CCDC77: variants seen among roughly 807,000 people sequenced by gnomAD.
The protein encoded by CCDC77 is coiled-coil domain-containing protein 77.
In CCDC77, 56 loss-of-function variants were observed where a neutral mutation model predicts 66.8. The ratio of observed to expected loss-of-function variants is 0.84; its 90% CI spans 0.68 to 1.05. The LOEUF is 1.05. Among genes scored for constraint, CCDC77 ranks in the 50% least tolerant of loss-of-function variants. CCDC77 has a pLI of 0.00. For missense variants in CCDC77, 570 were observed against 576.8 expected, an observed-to-expected ratio of 0.99 and a Z score of 0.12; for synonymous variants, 196 against 195.2, an observed-to-expected ratio of 1.00 and a Z score of -0.03.
At chr12:412,766 T>C (rs1945137468) in intron 4 of CCDC77, among the ~76,000 whole-genome samples, 3 of 152,142 alleles carry the variant, frequency 2.0e-5, no homozygotes, top group South Asian at 2.1e-4. Flanking sequence ...TATACAGCAG[T>C]CTTCTCACCT....
In CCDC77 at chr12:440,877, A is replaced by G. The variant is rs770608811; in HGVS notation, c.1201A>G (p.Ile401Val). The change falls in exon 12 of 13, where the codon ATA becomes GTA. Residue 401 changes from isoleucine to valine, a missense_variant. Coordinates refer to ENST00000239830, the MANE Select transcript of CCDC77 (RefSeq NM_032358.4). ...RTNKMGKRLQ[I>V]MTKRYEALER... Reference sequence around the variant, plus strand: ...TAACAAGATGGGGAAGCGTTTACAGATAATGACAAAACGCTATGAGGCATT... The same window carrying G: ...TAACAAGATGGGGAAGCGTTTACAGGTAATGACAAAACGCTATGAGGCATT... 6.2e-7 allele frequency: 1 copy of G among 1,613,830 alleles called. No individual in the cohort carries two copies. The highest frequency in any genetic ancestry group is 1.7e-5 in the Admixed American group (1 of 60,028).
chr12:397,209 T>C (rs1309149252), upstream of CCDC77, among the ~76,000 whole-genome samples: 1 of 152,142 alleles, frequency 6.6e-6, no homozygotes, highest in Non-Finnish European at 1.5e-5. Flanking sequence ...ATAGAATGGA[T>C]TGGAGGCAAG....
intron 5 of CCDC77, among the ~76,000 whole-genome samples, chr12:423,070 A>G (rs1422624447): frequency 6.9e-6 from 1 of 144,666 alleles, no homozygotes; most frequent in African/African-American, 2.5e-5. Context: ...GTTTCTCCAC[A>G]TCCTTGACAA....
In CCDC77 at chr12:440,904, G is replaced by A; in HGVS notation, c.1228G>A (p.Glu410Lys). The change falls in exon 12 of 13, where the codon GAG (glutamate) becomes AAG (lysine). Residue 410 changes from glutamate (E) to lysine (K), a missense_variant. By Grantham distance (56) the Glu-to-Lys change is moderately conservative (BLOSUM62 1). Coordinates refer to ENST00000239830, the MANE Select transcript of CCDC77 (RefSeq NM_032358.4). ...AATGACAAAACGCTATGAGGCATTG[G>A]AGCGTCGACGTATCCTGGAAGTAGA... ...QIMTKRYEAL[E>K]RRRILEVEGF... is the part of the protein sequence containing the mutation. 6.2e-7 allele frequency: 1 copy of A among 1,613,798 alleles called. No homozygotes were observed. The highest frequency in any genetic ancestry group is 8.5e-7 in the Non-Finnish European group (1 of 1,180,006).
chr12:409,299 G>A, intron 2 of CCDC77, 69 bp from the exon 3 acceptor site: 1 of 1,084,290 alleles, frequency 9.2e-7, no homozygotes, highest in Non-Finnish European at 1.4e-6. Flanking sequence ...GAGGGAACCA[G>A]TCTAATCCTG....
At chr12:432,598 A>C (rs1945674003) in intron 8 of CCDC77, among the ~76,000 whole-genome samples, 1 of 152,204 alleles carries the variant, frequency 6.6e-6, no homozygotes, top group South Asian at 2.1e-4. Flanking sequence ...GGGTGTCTTA[A>C]AGGGAGACAG....
intron 4 of CCDC77, among the ~76,000 whole-genome samples, chr12:414,152 C>A (rs964296294): frequency 2.0e-5 from 3 of 150,428 alleles, no homozygotes; most frequent in Non-Finnish European, 4.4e-5. Context: ...AGTGCAATGG[C>A]ACAATCTCGG....
At chr12:416,375 G>GTATATATA (rs1489079419) in intron 4 of CCDC77, among the ~76,000 whole-genome samples, 4 of 20,592 alleles carry the variant, frequency 1.9e-4, no homozygotes, top group African/African-American at 4.0e-4. Flanking sequence ...GTGTGTGTGT[G>GTATATATA]TGTATATATA....
rs939652978 is a variant in CCDC77 at position 418,477 on chromosome 12, T to C, written c.271-17T>C. On this transcript the variant is annotated splice_polypyrimidine_tract_variant and intron_variant, in intron 4 of 12. Coordinates refer to ENST00000239830, the MANE Select transcript of CCDC77 (RefSeq NM_032358.4). Reference sequence around the variant, plus strand: ...AACCCAGTGTCTTTCAACTATCTTATTGTGGTTTTTTTGCAGCATAAACTT... The same window carrying C: ...AACCCAGTGTCTTTCAACTATCTTACTGTGGTTTTTTTGCAGCATAAACTT... The C allele has an allele frequency of 9.9e-6, 16 of 1,613,416 alleles. No homozygotes were observed. The highest frequency in any genetic ancestry group is 1.4e-5 in the Non-Finnish European group (16 of 1,179,378).
At chr12:434,859 G>T (rs1453502896) in intron 9 of CCDC77, among the ~76,000 whole-genome samples, 3 of 152,184 alleles carry the variant, frequency 2.0e-5, no homozygotes, top group African/African-American at 7.2e-5. Flanking sequence ...ATGCCATAAG[G>T]ACATCCTCAG....
At chr12:405,621 G>A (rs888180651) in intron 2 of CCDC77, 57 bp downstream of exon 2, 8 of 152,152 alleles carry the variant, frequency 5.3e-5, no homozygotes, top group East Asian at 1.9e-4. Context: ...GAAAGATGGC[G>A]TATTTGAAGG....
chr12:392,152 C>T (rs1193087485), intron 1 of CCDC77, among the ~76,000 whole-genome samples: 1 of 151,914 alleles, frequency 6.6e-6, no homozygotes, highest in African/African-American at 2.4e-5. Context: ...CTTAAACAAT[C>T]CTTGACAGTA....
chr12:426,115 G>A (rs762781106), intron 5 of CCDC77, among the ~76,000 whole-genome samples: 11 of 152,010 alleles, frequency 7.2e-5, no homozygotes, highest in Non-Finnish European at 1.2e-4. Context: ...CACCCGCCTC[G>A]GCCTCCCAAA....
chr12:403,662 C>T (rs1944938685), intron 1 of CCDC77, among the ~76,000 whole-genome samples: 1 of 152,104 alleles, frequency 6.6e-6, no homozygotes, highest in African/African-American at 2.4e-5. Flanking sequence ...CCAGCTAATT[C>T]TGTAATTTTT....
upstream of CCDC77, chr12:401,479 C>T (rs372448614): frequency 1.2e-4 from 19 of 152,384 alleles, no homozygotes; most frequent in African/African-American, 4.3e-4. Context: ...TCCCAGAGAC[C>T]TCTGCGCGGT....
At chr12:433,834 T>C (rs191278822) in intron 9 of CCDC77, among the ~76,000 whole-genome samples, 4 of 152,328 alleles carry the variant, frequency 2.6e-5, no homozygotes, top group African/African-American at 9.6e-5. Flanking sequence ...AGACATGTTA[T>C]CATTTTTGGC....
chr12:419,218 G>T (rs1945346895), intron 5 of CCDC77, among the ~76,000 whole-genome samples: 1 of 152,214 alleles, frequency 6.6e-6, no homozygotes, highest in South Asian at 2.1e-4. Flanking sequence ...CTAAGGATAG[G>T]GTGGTCTTTC....
intron 10 of CCDC77, among the ~76,000 whole-genome samples, chr12:439,603 AC>A (rs1945824159): frequency 2.0e-5 from 3 of 151,430 alleles, no homozygotes; most frequent in Admixed American, 2.0e-4. Context: ...GCACAGCGGA[AC>A]CCTGTCTCTA....
chr12:428,900 C>T, intron 6 of CCDC77, 35 bp downstream of exon 6: 1 of 1,366,966 alleles, frequency 7.3e-7, no homozygotes, highest in East Asian at 2.3e-5. Flanking sequence ...GTGAGTGTGG[C>T]TTTACAAGTC....
Sources: gnomAD v4.1 joint callset for allele counts (sites outside exome capture counted in the v4.1 genomes callset) on GRCh38, gnomAD v4.1.1 for gene constraint, MANE v1.5 for transcripts, NCBI Gene and HGNC (gene_info 2026-07-23, HGNC 2026-07-21) for gene names.